The following TRHDE variants were observed in gnomAD, a reference collection of about 807,000 sequenced individuals.
TRHDE encodes thyrotropin-releasing hormone-degrading ectoenzyme.
A neutral mutation model predicts 125.7 loss-of-function variants in TRHDE; 72 were observed. The observed-to-expected ratio is 0.57, with a 90% confidence interval of 0.47 to 0.70. TRHDE has a LOEUF of 0.70. Among genes scored for constraint, TRHDE ranks in the 30% least tolerant of loss-of-function variants. The pLI is 0.00. For missense variants in TRHDE, 1,110 were observed against 1,327.1 expected (o/e 0.84, Z 2.54); for synonymous variants, 509 against 509.1 (o/e 1.00, Z 0.00).
At chr12:72,222,598 T>A (rs2139368948) in intron 2 of TRHDE, among the ~76,000 whole-genome samples, 1 of 152,244 alleles carries the variant, frequency 6.6e-6, no homozygotes, top group Non-Finnish European at 1.5e-5. Context: ...ATGCTACTGG[T>A]CTGAGGAACA....
intron 9 of TRHDE, 147 bp from the exon 10 acceptor site, chr12:72,568,421 A>G: frequency 2.1e-6 from 1 of 475,346 alleles, no homozygotes; most frequent in South Asian, 5.1e-5. Flanking sequence ...TTTTTGACCT[A>G]TGCCTTACTT....
At chr12:72,299,884 A>G (rs1241241225) in intron 2 of TRHDE, among the ~76,000 whole-genome samples, 1 of 152,158 alleles carries the variant, frequency 6.6e-6, no homozygotes, top group Admixed American at 6.5e-5. Flanking sequence ...TTAAAAAAGA[A>G]CAGAGAAGAA....
intron 6 of TRHDE, among the ~76,000 whole-genome samples, chr12:72,516,277 C>T (rs1376222141): frequency 6.6e-6 from 1 of 152,032 alleles, no homozygotes; most frequent in Non-Finnish European, 1.5e-5. Context: ...TACCCATGAG[C>T]ATGGAATGTT....
intron 3 of TRHDE, among the ~76,000 whole-genome samples, chr12:72,403,816 C>A (rs1432777764): frequency 1.3e-5 from 2 of 152,074 alleles, no homozygotes; most frequent in East Asian, 3.9e-4. Context: ...CAGAAGTCAA[C>A]AGGAAGGAAA....
chr12:72,653,371 G>GCAAA (rs1417571841), intron 17 of TRHDE, among the ~76,000 whole-genome samples: 1 of 152,008 alleles, frequency 6.6e-6, no homozygotes, highest in Non-Finnish European at 1.5e-5. Flanking sequence ...AATTATATGT[G>GCAAA]CAAACATTTG....
chr12:72,101,208 G>A (rs893820625), intron 1 of TRHDE, among the ~76,000 whole-genome samples: 1 of 152,084 alleles, frequency 6.6e-6, no homozygotes, highest in Non-Finnish European at 1.5e-5. Flanking sequence ...AGTTCGAAGT[G>A]CATGATTACA....
At chr12:72,248,333 G>A (rs1878614100) in intron 2 of TRHDE, among the ~76,000 whole-genome samples, 1 of 146,102 alleles carries the variant, frequency 6.8e-6, no homozygotes, top group Non-Finnish European at 1.5e-5. Flanking sequence ...CAGGAGAATT[G>A]CTTCAACTCG....
At chr12:72,436,066 C>A (rs1811208817) in intron 3 of TRHDE, among the ~76,000 whole-genome samples, 1 of 151,866 alleles carries the variant, frequency 6.6e-6, no homozygotes, top group South Asian at 2.1e-4. Flanking sequence ...TGTATCTGTC[C>A]TTAGGTGTTT....
intron 3 of TRHDE, among the ~76,000 whole-genome samples, chr12:72,394,361 T>G (rs1461195445): frequency 6.6e-6 from 1 of 152,120 alleles, no homozygotes; most frequent in Admixed American, 6.6e-5. Context: ...CATAACAAAC[T>G]GCCTAAGAGA....
At chr12:72,180,098 G>C (rs150668226) in intron 2 of TRHDE, among the ~76,000 whole-genome samples, 1 of 151,674 alleles carries the variant, frequency 6.6e-6, no homozygotes, top group Non-Finnish European at 1.5e-5. Flanking sequence ...TAATACTTGT[G>C]CCTCCATTCT....
chr12:72,539,925 A>C (rs1869057519), intron 6 of TRHDE, among the ~76,000 whole-genome samples: 1 of 151,840 alleles, frequency 6.6e-6, no homozygotes, highest in Non-Finnish European at 1.5e-5. Context: ...GTTTTGAATC[A>C]CAAGGTAATG....
intron 1 of TRHDE, among the ~76,000 whole-genome samples, chr12:72,278,871 T>C (rs1435778789): frequency 6.6e-6 from 1 of 152,240 alleles, no homozygotes; most frequent in Non-Finnish European, 1.5e-5. Flanking sequence ...AGACTGCGAA[T>C]ATTTTCTCCC....
chr12:72,090,341 G>A (rs1874761167), intron 1 of TRHDE, among the ~76,000 whole-genome samples: 1 of 152,092 alleles, frequency 6.6e-6, no homozygotes, highest in Admixed American at 6.6e-5. Context: ...ACAAAATGAT[G>A]CACTTTATTG....
chr12:72,128,013 CA>C (rs940076053), intron 2 of TRHDE, among the ~76,000 whole-genome samples: 1 of 150,502 alleles, frequency 6.6e-6, no homozygotes, highest in Non-Finnish European at 1.5e-5. Context: ...GAGTGAGCTG[CA>C]AAAAAAACAG....
intron 12 of TRHDE, among the ~76,000 whole-genome samples, chr12:72,590,902 C>T (rs1460548472): frequency 6.6e-6 from 1 of 151,980 alleles, no homozygotes. Context: ...TTTTTATTAT[C>T]TAGATAATTT....
At chr12:72,310,780 G>A (rs1868507175) in intron 2 of TRHDE, among the ~76,000 whole-genome samples, 1 of 152,098 alleles carries the variant, frequency 6.6e-6, no homozygotes, top group Admixed American at 6.6e-5. Flanking sequence ...ATGTGGAGTG[G>A]AAATTTGACA....
At chr12:72,370,506 C>T (rs1194910942) in intron 2 of TRHDE, among the ~76,000 whole-genome samples, 1 of 152,136 alleles carries the variant, frequency 6.6e-6, no homozygotes, top group South Asian at 2.1e-4. Context: ...ATTCGGTTTA[C>T]AGACACTTGT....
At chr12:72,298,141 T>C (rs1035190822) in intron 2 of TRHDE, among the ~76,000 whole-genome samples, 1 of 152,166 alleles carries the variant, frequency 6.6e-6, no homozygotes, top group African/African-American at 2.4e-5. Flanking sequence ...TAGAAGCTAA[T>C]AGAAAGAGCT....
intron 3 of TRHDE, among the ~76,000 whole-genome samples, chr12:72,383,326 C>T (rs1332991421): frequency 6.7e-6 from 1 of 150,090 alleles, no homozygotes; most frequent in Admixed American, 6.6e-5. Flanking sequence ...GTGTTTACTA[C>T]ATGTGAGCCA....
Sources: gnomAD v4.1 joint callset for allele counts (sites outside exome capture counted in the v4.1 genomes callset) on GRCh38, gnomAD v4.1.1 for gene constraint, MANE v1.5 for transcripts, NCBI Gene and HGNC (gene_info 2026-07-23, HGNC 2026-07-21) for gene names.